The following GLRA2 variants were observed in gnomAD, a reference collection of about 807,000 sequenced individuals.
GLRA2 encodes the protein glycine receptor subunit alpha-2.
In GLRA2, 11 loss-of-function variants were observed where a neutral mutation model predicts 31.6. That is an observed-to-expected ratio of 0.35 (90% confidence interval 0.22 to 0.58). GLRA2 has a LOEUF of 0.58. Among genes scored for constraint, GLRA2 ranks in the 20% least tolerant of loss-of-function variants. The pLI, the probability that GLRA2 is intolerant of heterozygous loss-of-function variation, is 0.84. For synonymous variants in GLRA2, 132 were observed against 134.0 expected, an observed-to-expected ratio of 0.99 and a Z score of 0.10; for missense variants, 212 against 351.8, an observed-to-expected ratio of 0.60 and a Z score of 3.18.
At chrX:14,507,686 A>ATTCTTTTTTTTTTTTTTT in the GLRA2 span, among the ~76,000 whole-genome samples, 1 of 56,053 alleles carries the variant, frequency 1.8e-5, no homozygotes, top group Non-Finnish European at 3.9e-5. Context: ...TACGAAAGAC[A>ATTCTTTTTTTTTTTTTTT]TTCTTTTTTT....
chrX:14,673,717 A>C (rs754288995), intron 7 of GLRA2, among the ~76,000 whole-genome samples: 1 of 112,439 alleles, frequency 8.9e-6, no homozygotes, highest in African/African-American at 3.2e-5. Flanking sequence ...GCTTGTAAGT[A>C]TGAATTTTGA....
At chrX:14,637,612 T>C (rs969803253) in intron 7 of GLRA2, among the ~76,000 whole-genome samples, 8 of 112,120 alleles carry the variant, frequency 7.1e-5, no homozygotes, top group Non-Finnish European at 1.3e-4. Flanking sequence ...AGGCTAATTA[T>C]AGGCTTTGCA....
At chrX:14,554,173 A>T (rs929679503) in intron 2 of GLRA2, among the ~76,000 whole-genome samples, 2 of 112,394 alleles carry the variant, frequency 1.8e-5, no homozygotes, top group African/African-American at 6.5e-5. Context: ...CACAACAAGC[A>T]CCATGATTTC....
Position 14,730,594 on chromosome X carries a change from GAGGGA to G in GLRA2, c.*110_*114del. The stretch of plus-strand genomic sequence containing the variant: ...CAGAGGAGAAGATTGAGGGAGGGGG[GAGGGA>G]GGGTCATGGGGGTGGGTTTCCTGGC... On this transcript the variant is annotated 3_prime_UTR_variant, in exon 9 of 9. Coordinates refer to ENST00000218075, the MANE Select transcript of GLRA2 (RefSeq NM_002063.4). 9.2e-6 allele frequency: 1 copy of G among 108,954 alleles called. No homozygotes were observed. Among genetic ancestry groups the G allele is most frequent in the Non-Finnish European group, 1.8e-5 (1 of 56,075 alleles). The allele number at this position is 108,954 out of a possible 1,213,427, so 9.0% of individuals were successfully genotyped here. A position where few individuals can be genotyped will look rare whatever the true frequency, so the allele number is the denominator to read the frequency against.
chrX:14,522,671 A>G, the GLRA2 span, among the ~76,000 whole-genome samples: 11 of 112,476 alleles, frequency 9.8e-5, no homozygotes, highest in African/African-American at 3.2e-4. Context: ...ATGTTGTGTT[A>G]GCAGGCATGA....
intron 3 of GLRA2, among the ~76,000 whole-genome samples, chrX:14,578,180 G>T (rs184714685): frequency 8.9e-6 from 1 of 111,771 alleles, no homozygotes; most frequent in Non-Finnish European, 1.9e-5. Flanking sequence ...TTTTAGTTTG[G>T]GGTATTTGTT....
At chrX:14,623,857 G>A (rs1249000324) in intron 7 of GLRA2, among the ~76,000 whole-genome samples, 3 of 111,580 alleles carry the variant, frequency 2.7e-5, no homozygotes, top group South Asian at 3.8e-4. Flanking sequence ...GATGATGCTC[G>A]CCTCATAAAA....
chrX:14,568,640 C>A (rs1225997969), intron 2 of GLRA2, among the ~76,000 whole-genome samples: 1 of 105,578 alleles, frequency 9.5e-6, no homozygotes, highest in East Asian at 3.0e-4. Flanking sequence ...TTGCAGTGAG[C>A]CGAGATTGTG....
intron 2 of GLRA2, among the ~76,000 whole-genome samples, chrX:14,550,261 T>G (rs1217724387): frequency 1.9e-4 from 18 of 93,265 alleles, no homozygotes; most frequent in Non-Finnish European, 3.9e-4. Context: ...GGAAAGGAGG[T>G]TTTTTTTTTT....
intron 7 of GLRA2, among the ~76,000 whole-genome samples, chrX:14,615,456 T>C (rs2090444538): frequency 8.9e-6 from 1 of 111,793 alleles, no homozygotes; most frequent in Admixed American, 9.5e-5. Flanking sequence ...GAATGGTGAT[T>C]ATTTAACAAT....
chrX:14,613,441 A>C (rs1441951911), intron 7 of GLRA2, among the ~76,000 whole-genome samples: 5 of 111,547 alleles, frequency 4.5e-5, no homozygotes, highest in African/African-American at 1.6e-4. Flanking sequence ...AGATTCAACA[A>C]ACCATGGATC....
rs960252053 is a variant in GLRA2, at chrX:14,722,157, C to T, written c.1081-8050C>T. Among the ~76,000 whole-genome samples, 22 of 112,235 alleles carry T rather than the reference C, an allele frequency of 2.0e-4. 1 individual carries two copies. The highest frequency in any genetic ancestry group is 7.1e-4 in the African/African-American group (22 of 30,951). ...AAAACGATAACAAGCAGTTCATTAT[C>T]TCTCACACTTTCTGTGTGTTAAGAA... On this transcript the variant is annotated intron_variant, in intron 8 of 8. Transcript: ENST00000218075.
chrX:14,630,078 C>G (rs1266046683), intron 7 of GLRA2, among the ~76,000 whole-genome samples: 1 of 111,762 alleles, frequency 8.9e-6, no homozygotes, highest in African/African-American at 3.2e-5. Context: ...CATCTGGTAT[C>G]ATTTTTCTTT....
chrX:14,538,723 C>T (rs2089360153), intron 2 of GLRA2, among the ~76,000 whole-genome samples: 1 of 111,688 alleles, frequency 9.0e-6, no homozygotes, highest in African/African-American at 3.2e-5. Flanking sequence ...TTAACTTAGT[C>T]CTATAAAGGA....
intron 7 of GLRA2, among the ~76,000 whole-genome samples, chrX:14,636,066 G>A (rs2090706868): frequency 9.0e-6 from 1 of 111,538 alleles, no homozygotes. Context: ...AAGTAGTATT[G>A]AATTATTACC....
At chrX:14,684,942 A>G (rs368560821) in intron 7 of GLRA2, among the ~76,000 whole-genome samples, 4 of 110,651 alleles carry the variant, frequency 3.6e-5, no homozygotes, top group East Asian at 2.8e-4. Context: ...GTATGATATT[A>G]GCTGTGGGTT....
At chrX:14,728,807 G>A (rs775331503) in intron 8 of GLRA2, among the ~76,000 whole-genome samples, 2 of 112,539 alleles carry the variant, frequency 1.8e-5, no homozygotes, top group African/African-American at 6.4e-5. Flanking sequence ...AAGCAAATCT[G>A]TTCTGCCTTG....
At chrX:14,596,847 G>A (rs1026928336) in intron 4 of GLRA2, among the ~76,000 whole-genome samples, 2 of 110,853 alleles carry the variant, frequency 1.8e-5, no homozygotes, top group African/African-American at 3.3e-5. Context: ...TTTATCAAGA[G>A]GGCCTGATAA....
At chrX:14,726,990 A>T (rs1182315509) in intron 8 of GLRA2, among the ~76,000 whole-genome samples, 3 of 112,306 alleles carry the variant, frequency 2.7e-5, no homozygotes, top group Non-Finnish European at 5.6e-5. Context: ...AAGGAAAAAA[A>T]CAGCACAGTA....
Sources: allele counts gnomAD v4.1 joint callset (sites outside exome capture counted in the v4.1 genomes callset), GRCh38; gene constraint gnomAD v4.1.1; transcripts MANE v1.5; gene names NCBI Gene and HGNC (gene_info 2026-07-23, HGNC 2026-07-21).